Variants in PREP observed in about 807,000 individuals in gnomAD.
The protein encoded by PREP is prolyl endopeptidase, also known as dJ355L5.1 (prolyl endopeptidase).
Under a neutral mutation model 87.6 loss-of-function variants are expected in PREP, and 29 were observed. That is an observed-to-expected ratio of 0.33 (90% CI 0.25 to 0.45). PREP has a LOEUF of 0.45. Ranked by LOEUF, PREP falls within the 20% of genes least tolerant of loss-of-function variation. The probability of loss-of-function intolerance (pLI) is 1.00; values close to 1 mark genes in which losing one functional copy is unlikely to be tolerated. For synonymous variants in PREP, 337 were observed against 328.6 expected, an observed-to-expected ratio of 1.03 and a Z score of -0.28; for missense variants, 695 against 886.5, an observed-to-expected ratio of 0.78 and a Z score of 2.74.
In PREP at chr6:105,278,204, C is replaced by G. The variant is rs755590883; in HGVS notation, c.2073G>C (p.Glu691Asp). 10 of 1,614,218 alleles carry G rather than the reference C, an allele frequency of 6.2e-6. No individual in the cohort carries two copies. Among genetic ancestry groups the G allele is most frequent in the Non-Finnish European group, 7.6e-6 (9 of 1,180,038 alleles). The change falls in exon 15 of 15, where the codon GAG (glutamate) becomes GAC (aspartate). Residue 691 changes from glutamate to aspartate, a missense_variant. Glu to Asp is a conservative substitution (Grantham distance 45, BLOSUM62 2). Transcript: ENST00000652536. The surrounding 1 kb of genome is among the most constrained non-coding windows in gnomAD (Gnocchi z 4.2). ...TGAACGCAAACATGTCTGAGACTTCCTCTATCACTTTGGCTGTGGGCTTCC... is the reference window on the plus strand; with the variant it reads ...TGAACGCAAACATGTCTGAGACTTCGTCTATCACTTTGGCTGTGGGCTTCC... ...GAGKPTAKVIEEVSDMFAFIA... is the reference protein window; with the variant it reads ...GAGKPTAKVIDEVSDMFAFIA...
At chr6:105,360,178 C>G (rs1772210302) in intron 6 of PREP, among the ~76,000 whole-genome samples, 2 of 152,188 alleles carry the variant, frequency 1.3e-5, no homozygotes, top group Non-Finnish European at 2.9e-5. Flanking sequence ...GAGATCTCAA[C>G]TTTAGTGCTG....
chr6:105,284,483 A>G (rs540227869), intron 12 of PREP, among the ~76,000 whole-genome samples: 1 of 152,272 alleles, frequency 6.6e-6, no homozygotes, highest in African/African-American at 2.4e-5. Flanking sequence ...GGCATGGGAA[A>G]CAGAAGAGAG....
chr6:105,339,215 C>T (rs9391276), intron 7 of PREP, among the ~76,000 whole-genome samples: 152,289 of 152,328 alleles, frequency 1, 76,125 homozygotes, highest in East Asian at 1. Flanking sequence ...CAGCAACATT[C>T]GCCATTCTGC....
At chr6:105,292,098 A>C (rs1272078307) in intron 10 of PREP, among the ~76,000 whole-genome samples, 1 of 152,114 alleles carries the variant, frequency 6.6e-6, no homozygotes, top group Non-Finnish European at 1.5e-5. Flanking sequence ...ATCATCCATG[A>C]GCGTTACAAT....
chr6:105,350,787 C>G (rs564514291), intron 7 of PREP, among the ~76,000 whole-genome samples: 2 of 152,280 alleles, frequency 1.3e-5, no homozygotes, highest in South Asian at 4.1e-4. Context: ...AAGAATTACT[C>G]TGAAGTTTAT....
intron 2 of PREP, among the ~76,000 whole-genome samples, chr6:105,381,877 A>C (rs1030332968): frequency 4.6e-5 from 7 of 152,220 alleles, no homozygotes; most frequent in Non-Finnish European, 8.8e-5. Context: ...CTGTCATGTG[A>C]AGTGTTCGTA....
chr6:105,356,999 T>A (rs1772116519), intron 6 of PREP, among the ~76,000 whole-genome samples: 1 of 152,178 alleles, frequency 6.6e-6, no homozygotes, highest in Non-Finnish European at 1.5e-5. Flanking sequence ...CTTTCCCCGG[T>A]GTCTTTCCTC....
chr6:105,323,777 T>C lies in PREP; in HGVS notation c.1214-9A>G. Reference sequence around the variant, plus strand: ...ACAGTGATAAATGATACCTAAAAAGTAGAATAAGGCTTGGTTTAGTCTACG... The same window carrying C: ...ACAGTGATAAATGATACCTAAAAAGCAGAATAAGGCTTGGTTTAGTCTACG... On this transcript the variant is annotated splice_polypyrimidine_tract_variant and intron_variant, in intron 9 of 14. Coordinates refer to ENST00000652536, the MANE Select transcript of PREP (RefSeq NM_002726.5). 1 of 1,602,584 alleles carries C rather than the reference T, an allele frequency of 6.2e-7. No homozygotes were observed. The highest frequency in any genetic ancestry group is 8.5e-7 in the Non-Finnish European group (1 of 1,169,676).
In PREP at chr6:105,377,478, A is replaced by C. The variant is rs901491346; in HGVS notation, c.162T>G (p.Leu54=). 17 of 1,613,786 alleles carry C rather than the reference A, an allele frequency of 1.1e-5. No homozygotes were observed. The highest frequency in any genetic ancestry group is 2.7e-5 in the African/African-American group (2 of 74,924). ...EAQNKITVPF[L]EQCPIRGLYK... is the part of the protein sequence containing the mutation. The stretch of plus-strand genomic sequence containing the variant: ...ATAAACCTCTGATGGGACACTGCTC[A>C]AGAAATGGCACAGTAATCTTATTCT... Residue 54 remains leucine, a synonymous_variant, in exon 3 of 15, where the codon CTT becomes CTG. Coordinates refer to ENST00000652536, the MANE Select transcript of PREP (RefSeq NM_002726.5).
At chr6:105,382,479 C>T (rs1772870981) in intron 2 of PREP, among the ~76,000 whole-genome samples, 1 of 151,996 alleles carries the variant, frequency 6.6e-6, no homozygotes, top group South Asian at 2.1e-4. Flanking sequence ...TTACTGATTG[C>T]CTTAACTTTT....
At chr6:105,362,966 G>C (rs1412347989) in intron 6 of PREP, among the ~76,000 whole-genome samples, 2 of 152,110 alleles carry the variant, frequency 1.3e-5, no homozygotes, top group African/African-American at 2.4e-5. Context: ...ACTTCCACAG[G>C]GGACATGGGA....
At chr6:105,369,414 T>C (rs1246291866) in intron 5 of PREP, among the ~76,000 whole-genome samples, 1 of 152,148 alleles carries the variant, frequency 6.6e-6, no homozygotes, top group Non-Finnish European at 1.5e-5. Flanking sequence ...TTTAATGAAA[T>C]CCCAAACAAA....
chr6:105,388,028 A>G (rs1276451129), intron 2 of PREP, among the ~76,000 whole-genome samples: 2 of 152,096 alleles, frequency 1.3e-5, no homozygotes, highest in Non-Finnish European at 2.9e-5. Context: ...ACATATGGAG[A>G]AAAGAGAGAG....
At chr6:105,364,063 T>C (rs1251786277) in intron 6 of PREP, among the ~76,000 whole-genome samples, 1 of 152,176 alleles carries the variant, frequency 6.6e-6, no homozygotes. Context: ...TTCTCTTGTC[T>C]TACTCCTCCT....
chr6:105,328,783 C>G (rs202073175), intron 9 of PREP, 46 bp downstream of exon 9: 375 of 1,588,148 alleles, frequency 2.4e-4, no homozygotes, highest in Non-Finnish European at 3.1e-4. Context: ...AACCCAAACA[C>G]CAGTCGGATT....
chr6:105,288,058 A>C (rs577100103), intron 11 of PREP, among the ~76,000 whole-genome samples: 2 of 152,208 alleles, frequency 1.3e-5, no homozygotes, highest in South Asian at 2.1e-4. Flanking sequence ...CTGCTGGTGA[A>C]AAATATCATC....
intron 5 of PREP, among the ~76,000 whole-genome samples, chr6:105,370,081 G>C (rs1290716755): frequency 6.6e-6 from 1 of 151,810 alleles, no homozygotes; most frequent in Non-Finnish European, 1.5e-5. Context: ...GTGAAATCCC[G>C]TCTCTACTAA....
intron 10 of PREP, among the ~76,000 whole-genome samples, chr6:105,289,207 C>T (rs938149612): frequency 6.6e-6 from 1 of 152,194 alleles, no homozygotes; most frequent in South Asian, 2.1e-4. Flanking sequence ...ATGTGGCCAT[C>T]GTGCCCACCT....
intron 10 of PREP, among the ~76,000 whole-genome samples, chr6:105,309,318 A>T (rs1182009981): frequency 1.3e-5 from 2 of 152,172 alleles, no homozygotes; most frequent in African/African-American, 2.4e-5. Flanking sequence ...CCCAGCCAGG[A>T]TGTCAGCCCA....
Sources: allele counts gnomAD v4.1 joint callset (sites outside exome capture counted in the v4.1 genomes callset), GRCh38; gene constraint gnomAD v4.1.1; non-coding constraint Gnocchi (gnomAD v3.1); transcripts MANE v1.5; gene names NCBI Gene and HGNC (gene_info 2026-07-23, HGNC 2026-07-21).